The following SPPL3 variants were observed in gnomAD, a reference collection of about 807,000 sequenced individuals.
SPPL3 encodes the protein signal peptide peptidase like 3, also known as signal peptide peptidase-like 3.
SPPL3 carries 5 observed loss-of-function variants against 42.4 expected under a neutral mutation model. That is an observed-to-expected ratio of 0.12 (90% CI 0.06 to 0.25). The LOEUF is 0.25. Ranked by LOEUF, SPPL3 falls within the 10% of genes least tolerant of loss-of-function variation. SPPL3 has a pLI of 1.00. For synonymous variants in SPPL3, 195 were observed against 181.8 expected (o/e 1.07, Z -0.58); for missense variants, 235 against 489.0 (o/e 0.48, Z 4.90).
chr12:120,877,385 CA>C (rs141488880), intron 1 of SPPL3, among the ~76,000 whole-genome samples: 6,868 of 152,188 alleles, frequency 0.045, 191 homozygotes, highest in South Asian at 0.12. Flanking sequence ...ACCCTGATAC[CA>C]AAACTAAAGA....
chr12:120,840,277 C>CAAA lies in SPPL3; in HGVS notation c.24-29394_24-29392dup, dbSNP rs533134400. On this transcript the variant is annotated intron_variant, in intron 1 of 10. Coordinates refer to ENST00000353487, the MANE Select transcript of SPPL3 (RefSeq NM_139015.5). The stretch of plus-strand genomic sequence containing the variant: ...TGAGCGACAGAGTGAGACTCTGTCT[C>CAAA]AAAAAAAAAAAAAAAAAAAAAAAAA... 6.8e-4 allele frequency among the ~76,000 whole-genome samples: 30 copies of CAAA among 44,168 alleles called. 1 individual carries two copies. Among genetic ancestry groups the CAAA allele is most frequent in the Admixed American group, 2.1e-3 (6 of 2,804 alleles). The allele number at this position is 44,168 out of a possible 152,430, so 29.0% of individuals were successfully genotyped here.
intron 1 of SPPL3, among the ~76,000 whole-genome samples, chr12:120,856,503 C>CTTTTTTTTTTT (rs35137934): frequency 3.4e-5 from 3 of 89,192 alleles, no homozygotes; most frequent in African/African-American, 4.5e-5. Context: ...CAATTTTCAT[C>CTTTTTTTTTTT]TTTTTTTTTT....
chr12:120,827,338 AATAATAATAATAATAAT>A (rs1398974504), intron 1 of SPPL3, among the ~76,000 whole-genome samples: 1 of 145,358 alleles, frequency 6.9e-6, no homozygotes, highest in African/African-American at 2.6e-5. Flanking sequence ...CAATAATAAT[AATAATAATAATAATAAT>A]ATAATAATAT....
intron 1 of SPPL3, among the ~76,000 whole-genome samples, chr12:120,898,313 T>TA (rs1566073392): frequency 9.9e-4 from 98 of 98,714 alleles, no homozygotes; most frequent in African/African-American, 2.2e-3. Flanking sequence ...TTTTTTTTTT[T>TA]TAAAAAAAAA....
intron 1 of SPPL3, among the ~76,000 whole-genome samples, chr12:120,902,775 A>C (rs1329430348): frequency 7.2e-5 from 11 of 152,252 alleles, no homozygotes; most frequent in African/African-American, 2.4e-4. Flanking sequence ...TCTAAATTGC[A>C]ATCAGGTCCC....
rs114898273 is a variant in SPPL3 at position 120,851,339 on chromosome 12, A to T, written c.24-40453T>A. On this transcript the variant is annotated intron_variant, in intron 1 of 10. Transcript: ENST00000353487. ...TCATTTTCTCATACAGTTTTTTTTTAAAATCATACTCATAGTCCAAACTGC... is the reference window on the plus strand; with the variant it reads ...TCATTTTCTCATACAGTTTTTTTTTTAAATCATACTCATAGTCCAAACTGC... 8.0e-3 allele frequency among the ~76,000 whole-genome samples: 1,224 copies of T among 152,144 alleles called. 11 individuals are homozygous for T. The highest frequency in any genetic ancestry group is 0.02 in the African/African-American group (836 of 41,514).
In SPPL3 at chr12:120,784,411, A is replaced by G. The variant is rs188089171; in HGVS notation, c.310+63T>C. On this transcript the variant is annotated intron_variant, in intron 4 of 10. Coordinates refer to ENST00000353487, the MANE Select transcript of SPPL3 (RefSeq NM_139015.5). ...GTATATAAATCTTAATTTTTGAACA[A>G]TGATAAAGGTGAAAAATTTTCCTTT... 3.7e-5 allele frequency: 54 copies of G among 1,472,526 alleles called. No individual in the cohort carries two copies. In the East Asian group the frequency reaches 1.1e-3, roughly 31 times the overall value. 91.2% of individuals were successfully genotyped at this position (1,472,526 alleles called of 1,614,324 possible).
intron 1 of SPPL3, among the ~76,000 whole-genome samples, chr12:120,886,122 C>T (rs943802188): frequency 2.0e-5 from 3 of 150,840 alleles, no homozygotes; most frequent in Middle Eastern, 3.4e-3. Flanking sequence ...GGATTACAGG[C>T]GTGAGCCACC....
intron 1 of SPPL3, among the ~76,000 whole-genome samples, chr12:120,895,566 T>C (rs1425818948): frequency 6.6e-6 from 1 of 152,202 alleles, no homozygotes; most frequent in Non-Finnish European, 1.5e-5. Flanking sequence ...GCATCCTCAA[T>C]ATAAAGGACA....
At position 120,836,472 on chromosome 12, in the gene SPPL3, C is replaced by T. The variant is rs141667943; in HGVS notation, c.24-25586G>A. The stretch of plus-strand genomic sequence containing the variant: ...AAAAAGCCAGTACCAAGGCTCTATG[C>T]ATGTGAATGAGACCATCCTGATCCT... On this transcript the variant is annotated intron_variant, in intron 1 of 10. Transcript: ENST00000353487. Among the ~76,000 whole-genome samples, 31 of 152,258 alleles carry T rather than the reference C, an allele frequency of 2.0e-4. No individual in the cohort carries two copies. In the East Asian group the frequency reaches 5.6e-3, roughly 27 times the overall value.
At chr12:120,791,761 T>C (rs1200062216) in intron 2 of SPPL3, 1 of 505,634 alleles carries the variant, frequency 2.0e-6, no homozygotes, top group African/African-American at 2.0e-5. Flanking sequence ...TGACTGCAGA[T>C]GAAAGCATCC....
intron 1 of SPPL3, among the ~76,000 whole-genome samples, chr12:120,849,406 T>C (rs1455794275): frequency 6.6e-6 from 1 of 152,140 alleles, no homozygotes; most frequent in East Asian, 1.9e-4. Flanking sequence ...ATTGTTTAAG[T>C]AGATACGAAT....
chr12:120,791,427 A>C, intron 3 of SPPL3, 42 bp downstream of exon 3: 2 of 1,433,348 alleles, frequency 1.4e-6, no homozygotes, highest in Non-Finnish European at 1.9e-6. Context: ...CCAAATTAAG[A>C]AAACTATATG....
chr12:120,797,167 AAAAC>A (rs772268348), intron 2 of SPPL3, among the ~76,000 whole-genome samples: 3 of 152,182 alleles, frequency 2.0e-5, no homozygotes, highest in Admixed American at 6.5e-5. Context: ...ACTCCAACTC[AAAAC>A]AAACAAACAA....
chr12:120,901,664 T>G (rs1021500487), intron 1 of SPPL3, among the ~76,000 whole-genome samples: 1 of 150,320 alleles, frequency 6.7e-6, no homozygotes, highest in Non-Finnish European at 1.5e-5. Flanking sequence ...TCTCTCCAGA[T>G]AATGTAAAAA....
intron 6 of SPPL3, among the ~76,000 whole-genome samples, chr12:120,771,399 C>T (rs2136968924): frequency 6.6e-6 from 1 of 152,338 alleles, no homozygotes; most frequent in African/African-American, 2.4e-5. Flanking sequence ...CGATCTCCTC[C>T]CAGAACCCAA....
In SPPL3 at chr12:120,791,574, T is replaced by A. The variant is rs1869917314; in HGVS notation, c.102-17A>T. ...TTAAGGGACCTGTGGAAAAAAATTTTGTAGTTAAGTTGTAGTTTTGCTTAC... is the reference window on the plus strand; with the variant it reads ...TTAAGGGACCTGTGGAAAAAAATTTAGTAGTTAAGTTGTAGTTTTGCTTAC... On this transcript the variant is annotated splice_polypyrimidine_tract_variant and intron_variant, in intron 2 of 10. Coordinates refer to ENST00000353487, the MANE Select transcript of SPPL3 (RefSeq NM_139015.5). 1.3e-6 allele frequency: 2 copies of A among 1,559,754 alleles called. No individual in the cohort carries two copies. Among genetic ancestry groups the A allele is most frequent in the African/African-American group, 1.4e-5 (1 of 72,962 alleles).
At chr12:120,811,934 A>C (rs774462286) in intron 1 of SPPL3, among the ~76,000 whole-genome samples, 1 of 152,170 alleles carries the variant, frequency 6.6e-6, no homozygotes, top group African/African-American at 2.4e-5. Context: ...ATGATAATGT[A>C]TATTAGGTAG....
intron 1 of SPPL3, among the ~76,000 whole-genome samples, chr12:120,869,322 C>T (rs1295937837): frequency 6.6e-6 from 1 of 152,148 alleles, no homozygotes; most frequent in East Asian, 1.9e-4. Flanking sequence ...TTACTCACTC[C>T]TTGATTTACA....
Sources: allele counts gnomAD v4.1 joint callset (sites outside exome capture counted in the v4.1 genomes callset), GRCh38; gene constraint gnomAD v4.1.1; transcripts MANE v1.5; gene names NCBI Gene and HGNC (gene_info 2026-07-23, HGNC 2026-07-21).